The following MYCBP2 variants were observed in gnomAD, a reference collection of about 807,000 sequenced individuals.
MYCBP2 encodes the protein E3 ubiquitin-protein ligase MYCBP2.
In MYCBP2, 120 loss-of-function variants were observed where a neutral mutation model predicts 525.3. That is an observed-to-expected ratio of 0.23 (90% CI 0.20 to 0.27). The LOEUF is 0.27. Among genes scored for constraint, MYCBP2 ranks in the 10% least tolerant of loss-of-function variants. The probability of loss-of-function intolerance (pLI) is 1.00; values close to 1 mark genes in which losing one functional copy is unlikely to be tolerated. For synonymous variants in MYCBP2, 1,894 were observed against 1,955.8 expected, an observed-to-expected ratio of 0.97 and a Z score of 0.83; for missense variants, 4,149 against 5,657.1, an observed-to-expected ratio of 0.73 and a Z score of 8.55.
At chr13:77,139,860 AT>A (rs2054334000) in intron 51 of MYCBP2, among the ~76,000 whole-genome samples, 186 bp downstream of exon 51, 1 of 152,194 alleles carries the variant, frequency 6.6e-6, no homozygotes, top group Admixed American at 6.5e-5. Flanking sequence ...AATTTTAGTC[AT>A]TTTTTAATGA....
intron 33 of MYCBP2, among the ~76,000 whole-genome samples, chr13:77,181,032 A>T (rs2060169550): frequency 6.6e-6 from 1 of 152,216 alleles, no homozygotes; most frequent in East Asian, 1.9e-4. Context: ...TTTTTTAACA[A>T]AATTCTTTTT....
Position 77,095,351 on chromosome 13 carries a change from T to G in MYCBP2, c.10199+7A>C, listed in dbSNP as rs2046084863. 1 of 1,612,700 alleles carries G rather than the reference T, an allele frequency of 6.2e-7. No homozygotes were observed. Among genetic ancestry groups the G allele is most frequent in the South Asian group, 1.1e-5 (1 of 91,028 alleles). ...GTGATTAAAAAACAACAGCAAAATTTTATTACCTAGCTAATGTCTGCAGGT... is the reference window on the plus strand; with the variant it reads ...GTGATTAAAAAACAACAGCAAAATTGTATTACCTAGCTAATGTCTGCAGGT... On this transcript the variant is annotated splice_region_variant and intron_variant, in intron 58 of 82. Transcript: ENST00000544440.
chr13:77,233,877 CGAGA>C (rs71102725), intron 17 of MYCBP2, among the ~76,000 whole-genome samples: 13 of 145,530 alleles, frequency 8.9e-5, no homozygotes, highest in Non-Finnish European at 1.5e-4. Flanking sequence ...AGAGAGAGAA[CGAGA>C]GAGAGAGAGA....
In MYCBP2 at chr13:77,061,676, T is replaced by C. The variant is rs2039325114; in HGVS notation, c.12889A>G (p.Thr4297Ala). Reference protein sequence around the residue: ...RFLHLHRRTKTHQRQVFKEEE... With the variant: ...RFLHLHRRTKAHQRQVFKEEE... The stretch of plus-strand genomic sequence containing the variant: ...AAAATCTTCACCTGTCTTTGATGAG[T>C]TTTGGTTCTTCGATGAAGGTGAAGG... Residue 4297 changes from threonine (T) to alanine (A), a missense_variant, in exon 75 of 83, where the codon ACT becomes GCT. Physicochemically the swap from Thr to Ala is moderately conservative, Grantham distance 58. Coordinates refer to ENST00000544440, the MANE Select transcript of MYCBP2 (RefSeq NM_015057.5). 1 of 1,610,306 alleles carries C rather than the reference T, an allele frequency of 6.2e-7. No homozygotes were observed.
intron 82 of MYCBP2, 95 bp downstream of exon 82, chr13:77,050,902 A>C: frequency 9.1e-7 from 1 of 1,094,052 alleles, no homozygotes; most frequent in Non-Finnish European, 1.3e-6. Context: ...GTTTGAATTG[A>C]GTTTCTGTCA....
At chr13:77,078,685 T>A in intron 66 of MYCBP2, 139 bp downstream of exon 66, 1 of 675,702 alleles carries the variant, frequency 1.5e-6, no homozygotes, top group Non-Finnish European at 2.6e-6. Flanking sequence ...TTGGACCACT[T>A]GTCAATTTAG....
At chr13:77,242,569 GA>G (rs1427265889) in intron 17 of MYCBP2, among the ~76,000 whole-genome samples, 4 of 152,170 alleles carry the variant, frequency 2.6e-5, no homozygotes, top group African/African-American at 7.2e-5. Context: ...AAGGACACAT[GA>G]AAGCATAGTT....
chr13:77,221,855 T>C lies in MYCBP2; in HGVS notation c.2939+2596A>G, dbSNP rs78532309. Among the ~76,000 whole-genome samples the C allele has an allele frequency of 6.3e-3, 955 of 152,266 alleles. 12 individuals are homozygous for C. The highest frequency in any genetic ancestry group is 0.022 in the African/African-American group (920 of 41,544). On this transcript the variant is annotated intron_variant, in intron 20 of 82. Transcript: ENST00000544440. ...CCAGGATCCCCTGCAGCTACCAAACTCTAGGGATGCTCAAATCCCTTATAT... is the reference window on the plus strand; with the variant it reads ...CCAGGATCCCCTGCAGCTACCAAACCCTAGGGATGCTCAAATCCCTTATAT...
rs746502230 is a variant in MYCBP2, at chr13:77,126,558, G to C, written c.7660-16C>G. 6.3e-7 allele frequency: 1 copy of C among 1,590,436 alleles called. No homozygotes were observed. Among genetic ancestry groups the C allele is most frequent in the Non-Finnish European group, 8.6e-7 (1 of 1,163,766 alleles). On this transcript the variant is annotated splice_polypyrimidine_tract_variant and intron_variant, in intron 52 of 82. Coordinates refer to ENST00000544440, the MANE Select transcript of MYCBP2 (RefSeq NM_015057.5). ...TTTTAGATTCCTGAAAATTTGAATA[G>C]GAAAGAAAAATAAACAAAATACAAT...
rs367555175 is a variant in MYCBP2 at position 77,289,751 on chromosome 13, G to T, written c.379-1375C>A. ...AAGGCAAGAAGTATTTTCTAAAAAA[G>T]AAATGTTTTTACTTGTAAAAAAACA... On this transcript the variant is annotated intron_variant, in intron 2 of 82. Transcript: ENST00000544440. 3.3e-5 allele frequency among the ~76,000 whole-genome samples: 5 copies of T among 151,964 alleles called. No homozygotes were observed. In the East Asian group the frequency reaches 5.8e-4, roughly 18 times the overall value.
rs1425531342 is a variant in MYCBP2 at position 77,176,534 on chromosome 13, A to G, written c.5435T>C (p.Ile1812Thr). The G allele has an allele frequency of 1.3e-6, 2 of 1,597,068 alleles. No individual in the cohort carries two copies. Among genetic ancestry groups the G allele is most frequent in the Non-Finnish European group, 8.6e-7 (1 of 1,168,936 alleles). Residue 1812 changes from isoleucine (I) to threonine (T), a missense_variant, in exon 36 of 83, where the codon ATA becomes ACA. Physicochemically the swap from Ile to Thr is moderately conservative, Grantham distance 89. Coordinates refer to ENST00000544440, the MANE Select transcript of MYCBP2 (RefSeq NM_015057.5). Reference protein sequence around the residue: ...TYTTDDSPSDIAEIRLDKVVP... With the variant: ...TYTTDDSPSDTAEIRLDKVVP... ...CACTTTGTCAAGTCTGATCTCAGCT[A>G]TATCACTGGGTGAGTCATCCGTTGT...
At chr13:77,139,662 T>C (rs1398651351) in intron 51 of MYCBP2, among the ~76,000 whole-genome samples, 1 of 152,230 alleles carries the variant, frequency 6.6e-6, no homozygotes, top group Non-Finnish European at 1.5e-5. Flanking sequence ...ATATTTATAT[T>C]TTAAGAAACA....
At chr13:77,084,250 ATTCTC>A (rs913612115) in intron 62 of MYCBP2, among the ~76,000 whole-genome samples, 5 of 152,172 alleles carry the variant, frequency 3.3e-5, no homozygotes, top group African/African-American at 4.8e-5. Flanking sequence ...TTACCAAACC[ATTCTC>A]TAAGAAGCTG....
intron 60 of MYCBP2, 129 bp downstream of exon 60, chr13:77,089,977 T>C (rs1297998247): frequency 1.3e-6 from 1 of 749,598 alleles, no homozygotes; most frequent in Non-Finnish European, 2.0e-6. Flanking sequence ...GGAATGTCAA[T>C]CACACATTAG....
chr13:77,079,653 T>G (rs907229618), intron 65 of MYCBP2, among the ~76,000 whole-genome samples: 7 of 152,164 alleles, frequency 4.6e-5, no homozygotes, highest in African/African-American at 1.7e-4. Flanking sequence ...TATCCTTTAT[T>G]AGAAATATTT....
chr13:77,247,447 A>G (rs958197854), intron 15 of MYCBP2, among the ~76,000 whole-genome samples: 3 of 152,174 alleles, frequency 2.0e-5, no homozygotes, highest in African/African-American at 7.2e-5. Flanking sequence ...AAGTAGAAAC[A>G]CATCTATGTT....
At chr13:77,107,203 T>C (rs1229644295) in intron 55 of MYCBP2, among the ~76,000 whole-genome samples, 1 of 152,144 alleles carries the variant, frequency 6.6e-6, no homozygotes, top group Non-Finnish European at 1.5e-5. Context: ...TTGACAGCAA[T>C]AGGCTCCTAC....
chr13:77,273,874 T>A (rs2075200115), intron 4 of MYCBP2, among the ~76,000 whole-genome samples: 1 of 152,188 alleles, frequency 6.6e-6, no homozygotes, highest in Non-Finnish European at 1.5e-5. Context: ...TCAGTTCAAC[T>A]CCTTATTTTT....
chr13:77,065,271 G>A (rs921511187), intron 72 of MYCBP2, among the ~76,000 whole-genome samples: 1 of 152,148 alleles, frequency 6.6e-6, no homozygotes, highest in Non-Finnish European at 1.5e-5. Flanking sequence ...AAGTCTGTTT[G>A]CCACAGAGGT....
Sources: gnomAD v4.1 joint callset for allele counts (sites outside exome capture counted in the v4.1 genomes callset) on GRCh38, gnomAD v4.1.1 for gene constraint, MANE v1.5 for transcripts, NCBI Gene and HGNC (gene_info 2026-07-23, HGNC 2026-07-21) for gene names.